The following PNLDC1 variants were observed in gnomAD, a reference collection of about 807,000 sequenced individuals.
PNLDC1 encodes poly(A)-specific ribonuclease PNLDC1.
PNLDC1 carries 70 observed loss-of-function variants against 82.0 expected under a neutral mutation model. That is an observed-to-expected ratio of 0.85 (90% CI 0.70 to 1.04). The LOEUF (loss-of-function observed/expected upper bound fraction) is 1.04. Among genes scored for constraint, PNLDC1 ranks in the 50% least tolerant of loss-of-function variants. PNLDC1 has a pLI of 0.00. For missense variants in PNLDC1, 631 were observed against 661.1 expected (o/e 0.95, Z 0.50); for synonymous variants, 280 against 249.3 (o/e 1.12, Z -1.16).
Position 159,815,963 on chromosome 6 carries a change from C to G in PNLDC1, c.996-6C>G, listed in dbSNP as rs753891054. On this transcript the variant is annotated splice_region_variant and splice_polypyrimidine_tract_variant and intron_variant, in intron 12 of 18. Coordinates refer to ENST00000392167, the MANE Select transcript of PNLDC1 (RefSeq NM_001271862.2). ...TGTTTTTTATTCTATTTTTCTTTTC[C>G]AATAGTGACTTGAATCCCACCAAGA... 2 of 1,611,036 alleles carry G rather than the reference C, an allele frequency of 1.2e-6. No homozygotes were observed. Among genetic ancestry groups the G allele is most frequent in the Non-Finnish European group, 1.7e-6 (2 of 1,177,952 alleles).
intron 15 of PNLDC1, among the ~76,000 whole-genome samples, chr6:159,818,008 G>A (rs936472886): frequency 6.6e-6 from 1 of 152,242 alleles, no homozygotes; most frequent in African/African-American, 2.4e-5. Context: ...GAAGGAGCTA[G>A]CAGTGGTGGG....
chr6:159,809,459 T>A lies in PNLDC1; in HGVS notation c.783+301T>A, dbSNP rs974784106. Among the ~76,000 whole-genome samples the A allele has an allele frequency of 7.1e-3, 468 of 65,566 alleles. 3 individuals carry two copies. The highest frequency in any genetic ancestry group is 0.042 in the Middle Eastern group (5 of 120). The allele number at this position is 65,566 out of a possible 152,430, so 43.0% of individuals were successfully genotyped here. A position where few individuals can be genotyped will look rare whatever the true frequency, so the allele number is the denominator to read the frequency against. ...GCCACCATACCTGGCTAATTTTTTTTTTTTTTTTTTTTTTGGTAGAGACGG... is the reference window on the plus strand; with the variant it reads ...GCCACCATACCTGGCTAATTTTTTTATTTTTTTTTTTTTTGGTAGAGACGG... On this transcript the variant is annotated intron_variant, in intron 9 of 18. Transcript: ENST00000392167.
intron 15 of PNLDC1, among the ~76,000 whole-genome samples, chr6:159,817,722 T>C (rs1290008602): frequency 3.9e-5 from 6 of 152,236 alleles, no homozygotes; most frequent in African/African-American, 1.2e-4. Context: ...GTCCTTGGCA[T>C]GCACGTTAGT....
intron 9 of PNLDC1, 71 bp from the exon 10 acceptor site, chr6:159,809,955 G>C (rs776862343): frequency 2.1e-5 from 27 of 1,294,282 alleles, no homozygotes; most frequent in Non-Finnish European, 3.0e-5. Flanking sequence ...TCTTTTGCAA[G>C]AAACTGTTAG....
rs912484545 is a variant in PNLDC1 at position 159,811,493 on chromosome 6, G to A, written c.854-208G>A. Among the ~76,000 whole-genome samples, 8 of 152,140 alleles carry A rather than the reference G, an allele frequency of 5.3e-5. No homozygotes were observed. The East Asian group carries it at 1.2e-3, about 22-fold the overall frequency. ...TGCATCCTGAATTTAATAGAAAACCGTTCGGCCTTTACTATTAAAAGTGGT... is the reference window on the plus strand; with the variant it reads ...TGCATCCTGAATTTAATAGAAAACCATTCGGCCTTTACTATTAAAAGTGGT... On this transcript the variant is annotated intron_variant, in intron 10 of 18. Coordinates refer to ENST00000392167, the MANE Select transcript of PNLDC1 (RefSeq NM_001271862.2).
At position 159,819,216 on chromosome 6, in the gene PNLDC1, C is replaced by T. The variant is rs1781951412; in HGVS notation, c.1434-38C>T. On this transcript the variant is annotated intron_variant, in intron 17 of 18. Coordinates refer to ENST00000392167, the MANE Select transcript of PNLDC1 (RefSeq NM_001271862.2). The surrounding 1 kb of genome is among the most constrained non-coding windows in gnomAD (Gnocchi z 4.6). Reference sequence around the variant, plus strand: ...CCTGATCACAGCAGGCGGCGCCATCCTGCTGCCTGGCTGACCACAGCAAAC... The same window carrying T: ...CCTGATCACAGCAGGCGGCGCCATCTTGCTGCCTGGCTGACCACAGCAAAC... The T allele has an allele frequency of 1.2e-6, 2 of 1,612,590 alleles. No individual in the cohort carries two copies. Among genetic ancestry groups the T allele is most frequent in the Non-Finnish European group, 1.7e-6 (2 of 1,179,226 alleles).
intron 10 of PNLDC1, 140 bp downstream of exon 10, chr6:159,810,235 C>A: frequency 1.4e-6 from 1 of 722,682 alleles, no homozygotes; most frequent in Non-Finnish European, 2.4e-6. Context: ...AGAGTTTGGG[C>A]AGAGGCCTGT....
At position 159,803,967 on chromosome 6, in the gene PNLDC1, A is replaced by G. The variant is rs1781354405; in HGVS notation, c.251A>G (p.Tyr84Cys). The change falls in exon 5 of 19, where the codon TAT becomes TGT. Residue 84 changes from tyrosine (Y) to cysteine (C), a missense_variant and splice_region_variant. Physicochemically the swap from Tyr to Cys is radical, Grantham distance 194. Coordinates refer to ENST00000392167, the MANE Select transcript of PNLDC1 (RefSeq NM_001271862.2). ...FSAIEGEANK[Y>C]IAHSCNFYLF... ...TCTGTATGTTTGTTTTATTATAGGT[A>G]TATAGCCCATTCTTGTAACTTCTAT... The G allele has an allele frequency of 2.5e-6, 4 of 1,613,482 alleles. No homozygotes were observed. The highest frequency in any genetic ancestry group is 2.2e-5 in the South Asian group (2 of 91,020).
upstream of PNLDC1, chr6:159,800,254 CA>C: frequency 1.3e-6 from 1 of 783,422 alleles, no homozygotes; most frequent in Middle Eastern, 6.4e-4. Context: ...AGCGCGTGGG[CA>C]GCACGTGGGC....
chr6:159,820,328 CG>C (rs1781997151), intron 18 of PNLDC1, 125 bp from the exon 19 acceptor site: 2 of 879,130 alleles, frequency 2.3e-6, no homozygotes, highest in African/African-American at 3.3e-5. Context: ...GTGTTGTCGT[CG>C]GGAGAGTGAC....
At chr6:159,817,009 T>C in intron 14 of PNLDC1, 100 bp from the exon 15 acceptor site, 1 of 1,263,512 alleles carries the variant, frequency 7.9e-7, no homozygotes, top group Non-Finnish European at 1.1e-6. Flanking sequence ...CGTCCCTAGA[T>C]TCTACATTTA....
intron 14 of PNLDC1, 45 bp downstream of exon 14, chr6:159,816,641 T>G (rs777827582): frequency 6.4e-7 from 1 of 1,570,902 alleles, no homozygotes; most frequent in Non-Finnish European, 8.7e-7. Context: ...TTTTTTTTTT[T>G]TTTTTTCTGA....
intron 10 of PNLDC1, among the ~76,000 whole-genome samples, chr6:159,811,095 C>G (rs567002990): frequency 6.6e-6 from 1 of 152,282 alleles, no homozygotes; most frequent in South Asian, 2.1e-4. Flanking sequence ...TCTAACACCA[C>G]ACCATGCATG....
chr6:159,810,219 T>C (rs1233876874), intron 10 of PNLDC1, 124 bp downstream of exon 10: 1 of 826,552 alleles, frequency 1.2e-6, no homozygotes, highest in Non-Finnish European at 2.0e-6. Context: ...GTCTGCAGGT[T>C]TCTGGAGAGT....
rs533383588 is a variant in PNLDC1 at position 159,818,232 on chromosome 6, C to A, written c.1158-323C>A. Among the ~76,000 whole-genome samples the A allele has an allele frequency of 3.3e-5, 5 of 152,280 alleles. No individual in the cohort carries two copies. In the South Asian group the frequency reaches 1.0e-3, roughly 32 times the overall value. Reference sequence around the variant, plus strand: ...AAGGTGATGTCTTACCAAGGGGGGACAGCATGGGGCTTTCTCTGAATAGTG... The same window carrying A: ...AAGGTGATGTCTTACCAAGGGGGGAAAGCATGGGGCTTTCTCTGAATAGTG... On this transcript the variant is annotated intron_variant, in intron 15 of 18. Transcript: ENST00000392167.
intron 12 of PNLDC1, among the ~76,000 whole-genome samples, chr6:159,814,964 C>G (rs946892704): frequency 1.4e-4 from 22 of 152,178 alleles, no homozygotes; most frequent in African/African-American, 5.1e-4. Context: ...GACGACGACG[C>G]CTGTTTTACA....
At chr6:159,818,459 G>A in intron 15 of PNLDC1, 96 bp from the exon 16 acceptor site, 5 of 1,103,526 alleles carry the variant, frequency 4.5e-6, no homozygotes, top group Non-Finnish European at 6.9e-6. Context: ...GTCCGAGGGA[G>A]TGTCCTTCTG....
chr6:159,820,043 T>A (rs1220820926), intron 18 of PNLDC1, among the ~76,000 whole-genome samples: 1 of 152,126 alleles, frequency 6.6e-6, no homozygotes, highest in East Asian at 1.9e-4. Flanking sequence ...ATGCTTCAGC[T>A]GGGTCACAGC....
intron 12 of PNLDC1, among the ~76,000 whole-genome samples, chr6:159,813,995 G>A (rs112621006): frequency 0.014 from 2,190 of 152,126 alleles, 53 homozygotes; most frequent in African/African-American, 0.05. Flanking sequence ...CCACCTACTC[G>A]TCACCTTCAC....
Sources: gnomAD v4.1 joint callset for allele counts (sites outside exome capture counted in the v4.1 genomes callset) on GRCh38, gnomAD v4.1.1 for gene constraint, Gnocchi (gnomAD v3.1) non-coding constraint, MANE v1.5 for transcripts, NCBI Gene and HGNC (gene_info 2026-07-23, HGNC 2026-07-21) for gene names.